KCNK17: variants seen among roughly 807,000 people sequenced by gnomAD.
The protein encoded by KCNK17 is potassium two pore domain channel subfamily K member 17, also known as potassium channel subfamily K member 17.
In KCNK17, 27 loss-of-function variants were observed where a neutral mutation model predicts 24.6. The observed-to-expected ratio is 1.10, with a 90% CI of 0.81 to 1.51. KCNK17 has a LOEUF of 1.51. KCNK17 is among the 40% of genes most tolerant of loss of function. KCNK17 has a pLI of 0.00. For missense variants in KCNK17, 450 were observed against 436.6 expected (o/e 1.03, Z -0.27); for synonymous variants, 181 against 189.8 (o/e 0.95, Z 0.38).
At chr6:39,312,434 T>A (rs1030431205) in intron 1 of KCNK17, among the ~76,000 whole-genome samples, 14 of 152,232 alleles carry the variant, frequency 9.2e-5, no homozygotes, top group African/African-American at 3.4e-4. Flanking sequence ...TGGCTGGGAA[T>A]CTTGGGAAGC....
Position 39,310,882 on chromosome 6 carries a change from C to CA in KCNK17, c.352+10_352+11insT. 1 of 1,032,916 alleles carries CA rather than the reference C, an allele frequency of 9.7e-7. No homozygotes were observed. Among genetic ancestry groups the CA allele is most frequent in the Non-Finnish European group, 1.5e-6 (1 of 681,566 alleles). 64.0% of individuals were successfully genotyped at this position (1,032,916 alleles called of 1,614,324 possible). A position where few individuals can be genotyped will look rare whatever the true frequency, so the allele number is the denominator to read the frequency against. On this transcript the variant is annotated intron_variant, in intron 2 of 4. Transcript: ENST00000373231. The stretch of plus-strand genomic sequence containing the variant: ...CCCACCCCCATCCCCCTGGCCCCAT[C>CA]TGGCCCTTACCAATGGTGGTGATGG...
intron 2 of KCNK17, 94 bp downstream of exon 2, chr6:39,310,799 C>T: frequency 9.0e-6 from 7 of 778,296 alleles, no homozygotes; most frequent in Non-Finnish European, 1.4e-5. Context: ...CATGAGACTC[C>T]AGGTAATCCC....
chr6:39,312,688 T>G (rs1762162737), intron 1 of KCNK17, among the ~76,000 whole-genome samples: 1 of 152,198 alleles, frequency 6.6e-6, no homozygotes, highest in Non-Finnish European at 1.5e-5. Flanking sequence ...TGGCACACGA[T>G]AAGTGCTGCA....
At chr6:39,310,312 G>C (rs1414085263) in intron 2 of KCNK17, among the ~76,000 whole-genome samples, 2 of 152,118 alleles carry the variant, frequency 1.3e-5, no homozygotes, top group African/African-American at 4.8e-5. Context: ...AGGTGTCCCT[G>C]TGTGTGGGGA....
At chr6:39,302,249 C>T (rs1260054721) in intron 4 of KCNK17, among the ~76,000 whole-genome samples, 1 of 152,062 alleles carries the variant, frequency 6.6e-6, no homozygotes, top group African/African-American at 2.4e-5. Context: ...CATCCTTGCC[C>T]CAGGCCTGGG....
rs1429136081 is a variant in KCNK17 at position 39,310,899 on chromosome 6, T to C, written c.346A>G (p.Thr116Ala). ...SFFFSVSTIT[T>A]IGYGNLSPNT... ...GGCCCCATCTGGCCCTTACCAATGGTGGTGATGGTGGACACAGAAAAGAAG... is the reference window on the plus strand; with the variant it reads ...GGCCCCATCTGGCCCTTACCAATGGCGGTGATGGTGGACACAGAAAAGAAG... Residue 116 changes from threonine (T) to alanine (A), a missense_variant, in exon 2 of 5, where the codon ACC becomes GCC. Physicochemically the swap from Thr to Ala is moderately conservative, Grantham distance 58. Coordinates refer to ENST00000373231, the MANE Select transcript of KCNK17 (RefSeq NM_031460.4). 1 of 1,512,876 alleles carries C rather than the reference T, an allele frequency of 6.6e-7. No individual in the cohort carries two copies. The highest frequency in any genetic ancestry group is 1.1e-5 in the South Asian group (1 of 88,740). The allele number at this position is 1,512,876 out of a possible 1,614,324, so 93.7% of individuals were successfully genotyped here. A position where few individuals can be genotyped will look rare whatever the true frequency, so the allele number is the denominator to read the frequency against.
intron 2 of KCNK17, among the ~76,000 whole-genome samples, chr6:39,309,044 G>A (rs943920322): frequency 2.6e-5 from 4 of 152,352 alleles, no homozygotes; most frequent in South Asian, 4.1e-4. Flanking sequence ...CATGAAAATA[G>A]GCTGGACACA....
intron 2 of KCNK17, among the ~76,000 whole-genome samples, chr6:39,307,071 C>G (rs1015445244): frequency 6.6e-6 from 1 of 151,924 alleles, no homozygotes. Flanking sequence ...TTGCTTGCTT[C>G]CTTCCTTCCT....
chr6:39,309,239 G>A (rs1231361454), intron 2 of KCNK17, among the ~76,000 whole-genome samples: 2 of 152,202 alleles, frequency 1.3e-5, no homozygotes, highest in East Asian at 1.9e-4. Context: ...TAGGAGAATC[G>A]CTTGAACCTG....
At chr6:39,311,071 TGCACACAC>T in intron 1 of KCNK17, 64 bp from the exon 2 acceptor site, 5 of 662,564 alleles carry the variant, frequency 7.5e-6, no homozygotes, top group Non-Finnish European at 8.0e-6. Flanking sequence ...TACCCCAAGA[TGCACACAC>T]ACACACACAC....
chr6:39,308,484 T>A (rs550657455), intron 2 of KCNK17, among the ~76,000 whole-genome samples: 1 of 152,212 alleles, frequency 6.6e-6, no homozygotes, highest in South Asian at 2.1e-4. Flanking sequence ...AGAGATGGGG[T>A]TTCATCATGT....
rs557397330 is a variant in KCNK17 at position 39,304,834 on chromosome 6, A to ACATT, written c.353-183_353-180dup. Among the ~76,000 whole-genome samples, 163 of 152,354 alleles carry ACATT rather than the reference A, an allele frequency of 1.1e-3. 1 individual carries two copies. The highest frequency in any genetic ancestry group is 8.8e-3 in the Admixed American group (135 of 15,306). On this transcript the variant is annotated intron_variant, in intron 2 of 4. Transcript: ENST00000373231. Reference sequence around the variant, plus strand: ...CTGGGCACTGTGCAGGGCACCCTGTACATTCATTCCCTCAGTTCACCCTCG... The same window carrying ACATT: ...CTGGGCACTGTGCAGGGCACCCTGTACATTCATTCATTCCCTCAGTTCACCCTCG...
At chr6:39,308,290 A>T (rs1762069902) in intron 2 of KCNK17, among the ~76,000 whole-genome samples, 1 of 152,160 alleles carries the variant, frequency 6.6e-6, no homozygotes, top group Admixed American at 6.5e-5. Context: ...GTATGTGTGT[A>T]TGTATGTACT....
intron 1 of KCNK17, 81 bp from the exon 2 acceptor site, chr6:39,311,088 A>T (rs1267884201): frequency 2.5e-6 from 1 of 397,662 alleles, no homozygotes; most frequent in Non-Finnish European, 4.3e-6. Flanking sequence ...ACACACACAC[A>T]CACACACACA....
At chr6:39,303,669 G>GGGCA (rs1354398539) in intron 4 of KCNK17, among the ~76,000 whole-genome samples, 1 of 152,180 alleles carries the variant, frequency 6.6e-6, no homozygotes, top group East Asian at 1.9e-4. Context: ...GGAGACCCTG[G>GGGCA]GGCAAGCATG....
Position 39,314,321 on chromosome 6 carries a change from A to G in KCNK17, c.-1T>C. ...CCGCCCGGGCTCGCGGTCGGTACAT[A>G]GCGGGAGAGGCGGGGAGCCGGCGCC... On this transcript the variant is annotated 5_prime_UTR_variant, in exon 1 of 5. Coordinates refer to ENST00000373231, the MANE Select transcript of KCNK17 (RefSeq NM_031460.4). 7.1e-7 allele frequency: 1 copy of G among 1,418,410 alleles called. No homozygotes were observed. The highest frequency in any genetic ancestry group is 9.2e-7 in the Non-Finnish European group (1 of 1,090,258). The allele number at this position is 1,418,410 out of a possible 1,614,324, so 87.9% of individuals were successfully genotyped here. A position where few individuals can be genotyped will look rare whatever the true frequency, so the allele number is the denominator to read the frequency against.
rs1047808525 is a variant in KCNK17 at position 39,299,184 on chromosome 6, G to A, written c.*243C>T. 14 of 503,302 alleles carry A rather than the reference G, an allele frequency of 2.8e-5. 1 individual carries two copies. Among genetic ancestry groups the A allele is most frequent in the South Asian group, 1.9e-4 (7 of 37,366 alleles). The allele number at this position is 503,302 out of a possible 1,614,324, so 31.2% of individuals were successfully genotyped here. ...CAGAGCTCCCAGCCATCATATCGGC[G>A]GCATTGCAGCCCGCTAAAGTAAGGA... On this transcript the variant is annotated 3_prime_UTR_variant, in exon 5 of 5. Coordinates refer to ENST00000373231, the MANE Select transcript of KCNK17 (RefSeq NM_031460.4).
At chr6:39,304,474 C>T in intron 3 of KCNK17, 21 bp downstream of exon 3, 1 of 1,603,662 alleles carries the variant, frequency 6.2e-7, no homozygotes, top group Non-Finnish European at 8.5e-7. Context: ...CCATCCCCAC[C>T]CCGTCCAGCA....
chr6:39,314,000 T>C, intron 1 of KCNK17, 84 bp downstream of exon 1: 2 of 1,055,850 alleles, frequency 1.9e-6, no homozygotes, highest in African/African-American at 1.7e-5. Context: ...AGGGCCTGAA[T>C]AGGCCCCCTC....
Sources: gnomAD v4.1 joint callset for allele counts (sites outside exome capture counted in the v4.1 genomes callset) on GRCh38, gnomAD v4.1.1 for gene constraint, MANE v1.5 for transcripts, NCBI Gene and HGNC (gene_info 2026-07-23, HGNC 2026-07-21) for gene names.